CPPED1: variants seen among roughly 807,000 people sequenced by gnomAD.
CPPED1 encodes the protein calcineurin like phosphoesterase domain containing 1.
A neutral mutation model predicts 28.0 loss-of-function variants in CPPED1; 28 were observed. That is an observed-to-expected ratio of 1.00 (90% CI 0.74 to 1.37). The LOEUF (loss-of-function observed/expected upper bound fraction) is 1.37, where lower values mean the gene tolerates loss of function less well. Ranked by LOEUF, CPPED1 falls within the 40% of genes most tolerant of loss-of-function variation. The probability of loss-of-function intolerance (pLI) is 0.00; values close to 1 mark genes in which losing one functional copy is unlikely to be tolerated. For synonymous variants in CPPED1, 198 were observed against 180.2 expected (o/e 1.10, Z -0.79); for missense variants, 504 against 416.5 (o/e 1.21, Z -1.83).
chr16:12,745,072 AG>A (rs79418813), intron 2 of CPPED1, among the ~76,000 whole-genome samples: 3 of 152,146 alleles, frequency 2.0e-5, no homozygotes, highest in Non-Finnish European at 4.4e-5. Context: ...GGAAATATAG[AG>A]GGGGAAAAGA....
chr16:12,692,918 C>T (rs1479682837), intron 3 of CPPED1, among the ~76,000 whole-genome samples: 5 of 152,214 alleles, frequency 3.3e-5, no homozygotes, highest in African/African-American at 1.2e-4. Flanking sequence ...CCTGACATGG[C>T]CCCTTCTATC....
At chr16:12,776,717 G>A (rs1035050858) in intron 2 of CPPED1, among the ~76,000 whole-genome samples, 16 of 152,108 alleles carry the variant, frequency 1.1e-4, no homozygotes, top group African/African-American at 3.6e-4. Flanking sequence ...TCAGGAGATC[G>A]AGACCAGCCT....
chr16:12,803,671 C>T lies in CPPED1; in HGVS notation c.70+36G>A, dbSNP rs757288184. ...TCCCCCGGCGGAAGGTTCCGCAGCCCCAGAGTCCCCTCCCCGGGTGAGGGG... is the reference window on the plus strand; with the variant it reads ...TCCCCCGGCGGAAGGTTCCGCAGCCTCAGAGTCCCCTCCCCGGGTGAGGGG... On this transcript the variant is annotated intron_variant, in intron 1 of 3. Coordinates refer to ENST00000381774, the MANE Select transcript of CPPED1 (RefSeq NM_018340.3). 2.7e-6 allele frequency: 4 copies of T among 1,464,116 alleles called. No homozygotes were observed. In the East Asian group the frequency reaches 8.4e-5, roughly 31 times the overall value. The allele number at this position is 1,464,116 out of a possible 1,614,324, so 90.7% of individuals were successfully genotyped here.
chr16:12,762,540 G>A (rs1355104788), intron 2 of CPPED1, among the ~76,000 whole-genome samples: 2 of 152,102 alleles, frequency 1.3e-5, no homozygotes, highest in African/African-American at 4.8e-5. Context: ...CTACAACATG[G>A]ATAAACCCTG....
chr16:12,680,292 G>A (rs1362721259), intron 3 of CPPED1, among the ~76,000 whole-genome samples: 1 of 152,076 alleles, frequency 6.6e-6, no homozygotes, highest in Non-Finnish European at 1.5e-5. Context: ...CTCAAGTTCA[G>A]CACATTAATA....
chr16:12,674,568 AGGGGGT>A (rs2079868780), intron 3 of CPPED1, among the ~76,000 whole-genome samples: 1 of 152,116 alleles, frequency 6.6e-6, no homozygotes, highest in African/African-American at 2.4e-5. Flanking sequence ...GGGGCCTGGA[AGGGGGT>A]GGCACAGTGG....
intron 2 of CPPED1, among the ~76,000 whole-genome samples, chr16:12,770,807 G>C (rs1212249990): frequency 1.3e-5 from 2 of 148,514 alleles, no homozygotes; most frequent in Non-Finnish European, 3.0e-5. Flanking sequence ...GGGTGACAGA[G>C]TGAGGCTATA....
intron 2 of CPPED1, among the ~76,000 whole-genome samples, chr16:12,736,124 A>G (rs1287541368): frequency 2.0e-5 from 3 of 152,124 alleles, no homozygotes; most frequent in Non-Finnish European, 4.4e-5. Context: ...CAGTCCTTAT[A>G]TCTAGGGAAG....
intron 2 of CPPED1, among the ~76,000 whole-genome samples, chr16:12,736,344 C>T (rs949292535): frequency 4.6e-5 from 7 of 151,290 alleles, no homozygotes; most frequent in Non-Finnish European, 8.8e-5. Flanking sequence ...CTCCCAGGTT[C>T]GAGTGATTCT....
chr16:12,768,357 A>G (rs772442129), intron 2 of CPPED1, among the ~76,000 whole-genome samples: 20 of 152,222 alleles, frequency 1.3e-4, no homozygotes, highest in Non-Finnish European at 2.5e-4. Flanking sequence ...CGGAAAGATT[A>G]TGCTTTTTAT....
intron 1 of CPPED1, among the ~76,000 whole-genome samples, chr16:12,800,930 C>T (rs776454080): frequency 2.0e-5 from 3 of 152,182 alleles, no homozygotes; most frequent in Non-Finnish European, 4.4e-5. Context: ...CCTCAGAGCC[C>T]ACCAGTAGCC....
chr16:12,731,860 G>A (rs2141205568), intron 2 of CPPED1, among the ~76,000 whole-genome samples: 2 of 151,490 alleles, frequency 1.3e-5, no homozygotes, highest in South Asian at 4.2e-4. Context: ...ATGGGGAGGA[G>A]GAAAAAAAAA....
chr16:12,690,798 AATTCCACACCCCTGT>A (rs1234370391), intron 3 of CPPED1, among the ~76,000 whole-genome samples: 2 of 152,162 alleles, frequency 1.3e-5, no homozygotes, highest in Non-Finnish European at 2.9e-5. Context: ...GCCAAAGGGG[AATTCCACACCCCTGT>A]ATTCCACACC....
chr16:12,716,512 G>A (rs1198839337), intron 2 of CPPED1, among the ~76,000 whole-genome samples: 1 of 152,232 alleles, frequency 6.6e-6, no homozygotes, highest in East Asian at 1.9e-4. Flanking sequence ...TATTTAGAAT[G>A]ACTGCCTTTT....
chr16:12,711,528 A>G (rs1402461294), intron 2 of CPPED1, among the ~76,000 whole-genome samples: 1 of 152,222 alleles, frequency 6.6e-6, no homozygotes, highest in Admixed American at 6.5e-5. Flanking sequence ...AAAAGAGAAG[A>G]AACCACCAAA....
Position 12,704,911 on chromosome 16 carries a change from C to G in CPPED1, c.428G>C (p.Cys143Ser). Residue 143 changes from cysteine (C) to serine (S), a missense_variant, in exon 3 of 4, where the codon TGC (cysteine) becomes TCC (serine). Physicochemically the swap from Cys to Ser is moderately radical, Grantham distance 112 (BLOSUM62 -1). Coordinates refer to ENST00000381774, the MANE Select transcript of CPPED1 (RefSeq NM_018340.3). ...GAAGTAGTCATCTCCCCAAGTCCGG[C>G]AGAACTCCTCGACGGTCTCGGCCGT... is the stretch of plus-strand genomic sequence containing the variant. ...TPTAETVEEF[C>S]RTWGDDYFSF... is the part of the protein sequence containing the mutation. 6.2e-7 allele frequency: 1 copy of G among 1,614,156 alleles called. No individual in the cohort carries two copies.
At chr16:12,667,943 G>T (rs1382303590) in intron 3 of CPPED1, among the ~76,000 whole-genome samples, 1 of 152,178 alleles carries the variant, frequency 6.6e-6, no homozygotes, top group Admixed American at 6.5e-5. Flanking sequence ...CAATAAAATT[G>T]TGGTACAGCA....
chr16:12,746,320 G>A (rs1260406173), intron 2 of CPPED1, among the ~76,000 whole-genome samples: 1 of 147,672 alleles, frequency 6.8e-6, no homozygotes, highest in Non-Finnish European at 1.5e-5. Flanking sequence ...GTTACAGTGA[G>A]CTGAGAGTGT....
chr16:12,738,110 G>A (rs1227083702), intron 2 of CPPED1, among the ~76,000 whole-genome samples: 1 of 152,166 alleles, frequency 6.6e-6, no homozygotes, highest in Admixed American at 6.5e-5. Flanking sequence ...GTATCCGGGA[G>A]ATAATCCGAA....
Sources: allele counts gnomAD v4.1 joint callset (sites outside exome capture counted in the v4.1 genomes callset), GRCh38; gene constraint gnomAD v4.1.1; transcripts MANE v1.5; gene names NCBI Gene and HGNC (gene_info 2026-07-23, HGNC 2026-07-21).